MAP2K4: variants seen among roughly 807,000 people sequenced by gnomAD.
MAP2K4 encodes the protein dual specificity mitogen-activated protein kinase kinase 4.
MAP2K4 carries 4 observed loss-of-function variants against 48.5 expected under a neutral mutation model. The observed-to-expected ratio is 0.08, with a 90% CI of 0.04 to 0.19. MAP2K4 has a LOEUF of 0.19. Among genes scored for constraint, MAP2K4 ranks in the 10% least tolerant of loss-of-function variants. The probability of loss-of-function intolerance (pLI) is 1.00; values close to 1 mark genes in which losing one functional copy is unlikely to be tolerated. For missense variants in MAP2K4, 258 were observed against 493.3 expected (o/e 0.52, Z 4.52); for synonymous variants, 166 against 173.1 (o/e 0.96, Z 0.32).
Position 12,095,708 on chromosome 17 carries a change from G to A in MAP2K4, c.513+14G>A, listed in dbSNP as rs1250687734. ...CTCTTCAGAGAGGTAGGAATAAACT[G>A]GGTTTTAGCTGACTAATGAATATCT... On this transcript the variant is annotated intron_variant, in intron 4 of 10. Coordinates refer to ENST00000353533, the MANE Select transcript of MAP2K4 (RefSeq NM_003010.4). The A allele has an allele frequency of 6.2e-7, 1 of 1,610,118 alleles. No homozygotes were observed.
At chr17:12,124,954 C>T (rs1033781459) in intron 7 of MAP2K4, 8 of 258,554 alleles carry the variant, frequency 3.1e-5, no homozygotes, top group Admixed American at 9.4e-5. Context: ...GGATTACGGG[C>T]GTGCGCCACT....
chr17:12,106,834 C>G (rs1387904493), intron 4 of MAP2K4, among the ~76,000 whole-genome samples: 1 of 151,926 alleles, frequency 6.6e-6, no homozygotes, highest in African/African-American at 2.4e-5. Context: ...TCATGCATCT[C>G]TCTCATGAAC....
At chr17:12,128,736 A>G (rs1462907956) in intron 8 of MAP2K4, among the ~76,000 whole-genome samples, 1 of 152,188 alleles carries the variant, frequency 6.6e-6, no homozygotes, top group African/African-American at 2.4e-5. Context: ...TCTAACCACG[A>G]TTATGGACCA....
intron 10 of MAP2K4, among the ~76,000 whole-genome samples, chr17:12,140,648 G>A (rs1241579136): frequency 2.0e-5 from 3 of 152,134 alleles, no homozygotes; most frequent in Non-Finnish European, 2.9e-5. Context: ...AAGAATTACA[G>A]CCTTTTTGTT....
intron 1 of MAP2K4, among the ~76,000 whole-genome samples, chr17:12,030,925 G>C (rs1969417334): frequency 1.3e-5 from 2 of 152,158 alleles, no homozygotes; most frequent in South Asian, 4.1e-4. Context: ...GCTACTTCCA[G>C]AGAACCCTTT....
chr17:12,131,234 C>CTTTTTTTTT (rs11307653), intron 9 of MAP2K4, among the ~76,000 whole-genome samples: 2 of 130,936 alleles, frequency 1.5e-5, no homozygotes, highest in Non-Finnish European at 3.3e-5. Flanking sequence ...GGTCACATTT[C>CTTTTTTTTT]TTTTTTTTTT....
Position 12,143,646 on chromosome 17 carries a change from A to G in MAP2K4, c.*2386A>G, listed in dbSNP as rs1973445058. 4.3e-6 allele frequency: 1 copy of G among 231,070 alleles called. No individual in the cohort carries two copies. Among genetic ancestry groups the G allele is most frequent in the Non-Finnish European group, 8.6e-6 (1 of 116,620 alleles). The allele number at this position is 231,070 out of a possible 1,614,324, so 14.3% of individuals were successfully genotyped here. The stretch of plus-strand genomic sequence containing the variant: ...CTTGTTTGAATTCCTCCTCTATTTA[A>G]GATATATACATGGAATCGAAGTGTT... On this transcript the variant is annotated 3_prime_UTR_variant, in exon 11 of 11. Coordinates refer to ENST00000353533, the MANE Select transcript of MAP2K4 (RefSeq NM_003010.4).
chr17:12,028,289 G>A (rs1346724685), intron 1 of MAP2K4, among the ~76,000 whole-genome samples: 1 of 152,200 alleles, frequency 6.6e-6, no homozygotes, highest in African/African-American at 2.4e-5. Flanking sequence ...TTTAAAAAGT[G>A]TGGAAGGGAT....
At chr17:12,059,957 T>G (rs1409602967) in intron 2 of MAP2K4, among the ~76,000 whole-genome samples, 1 of 152,046 alleles carries the variant, frequency 6.6e-6, no homozygotes, top group Non-Finnish European at 1.5e-5. Context: ...GCAGGAGGAT[T>G]GCTTGAGCCA....
At chr17:12,071,777 A>ATAG (rs1425731592) in intron 2 of MAP2K4, among the ~76,000 whole-genome samples, 1 of 152,170 alleles carries the variant, frequency 6.6e-6, no homozygotes, top group African/African-American at 2.4e-5. Context: ...ACACCAATGT[A>ATAG]TAGACCAGTG....
intron 1 of MAP2K4, among the ~76,000 whole-genome samples, chr17:12,022,505 T>C (rs1598008423): frequency 6.6e-6 from 1 of 152,224 alleles, no homozygotes; most frequent in Non-Finnish European, 1.5e-5. Flanking sequence ...TAGGATTGTA[T>C]TTCTTGTTCC....
intron 7 of MAP2K4, among the ~76,000 whole-genome samples, chr17:12,120,290 T>A (rs1972643194): frequency 6.6e-6 from 1 of 151,784 alleles, no homozygotes; most frequent in Non-Finnish European, 1.5e-5. Flanking sequence ...TGAAACCCCA[T>A]CACTACTAAA....
intron 6 of MAP2K4, 97 bp from the exon 7 acceptor site, chr17:12,113,136 T>C (rs571847093): frequency 3.6e-5 from 39 of 1,081,130 alleles, no homozygotes; most frequent in East Asian, 1.2e-4. Context: ...TGACCACTTA[T>C]GTTGTCTAAG....
chr17:12,032,665 C>A (rs1249725609), intron 1 of MAP2K4, among the ~76,000 whole-genome samples: 1 of 152,112 alleles, frequency 6.6e-6, no homozygotes, highest in African/African-American at 2.4e-5. Flanking sequence ...ATTCAGACAT[C>A]TTATGCTTTA....
intron 3 of MAP2K4, among the ~76,000 whole-genome samples, chr17:12,087,550 G>C (rs1971410985): frequency 6.6e-6 from 1 of 152,036 alleles, no homozygotes; most frequent in Non-Finnish European, 1.5e-5. Flanking sequence ...ATAATACGTA[G>C]CAGAAGGTAA....
intron 4 of MAP2K4, among the ~76,000 whole-genome samples, chr17:12,102,835 A>G (rs1488451506): frequency 2.6e-5 from 4 of 151,632 alleles, no homozygotes; most frequent in Non-Finnish European, 5.9e-5. Flanking sequence ...TTTCTTTTTT[A>G]TTATTTTAAT....
At chr17:12,075,186 T>C (rs1357621327) in intron 2 of MAP2K4, among the ~76,000 whole-genome samples, 1 of 152,196 alleles carries the variant, frequency 6.6e-6, no homozygotes, top group African/African-American at 2.4e-5. Flanking sequence ...TCATGGCGTT[T>C]ATAAAAATGG....
chr17:12,093,438 G>A (rs529214409), intron 3 of MAP2K4, among the ~76,000 whole-genome samples: 2 of 152,066 alleles, frequency 1.3e-5, no homozygotes, highest in East Asian at 3.9e-4. Flanking sequence ...TAGGGTTTTC[G>A]GACACAGGCT....
At chr17:12,043,880 C>T (rs1030598430) in intron 1 of MAP2K4, among the ~76,000 whole-genome samples, 36 of 152,132 alleles carry the variant, frequency 2.4e-4, no homozygotes, top group African/African-American at 5.5e-4. Flanking sequence ...CATTGGACTC[C>T]GTCTCTAGTC....
Sources: allele counts gnomAD v4.1 joint callset (sites outside exome capture counted in the v4.1 genomes callset), GRCh38; gene constraint gnomAD v4.1.1; transcripts MANE v1.5; gene names NCBI Gene and HGNC (gene_info 2026-07-23, HGNC 2026-07-21).